Variants in HEMK2 observed in about 807,000 individuals in gnomAD.
HEMK2 encodes methyltransferase HEMK2.
chr21:28,702,892 A>C, the HEMK2 span, among the ~76,000 whole-genome samples: 1 of 152,210 alleles, frequency 6.6e-6, no homozygotes, highest in Non-Finnish European at 1.5e-5. Flanking sequence ...CCCAATACCA[A>C]AGATGTGGAA....
chr21:28,871,365 C>A, the HEMK2 span, among the ~76,000 whole-genome samples: 2 of 151,986 alleles, frequency 1.3e-5, no homozygotes, highest in Non-Finnish European at 2.9e-5. Context: ...AGGAAGAGAG[C>A]GAAGAGGGAG....
the HEMK2 span, among the ~76,000 whole-genome samples, chr21:28,855,187 A>G: frequency 6.8e-6 from 1 of 147,854 alleles, no homozygotes; most frequent in Non-Finnish European, 1.5e-5. Flanking sequence ...AGCAAACAGT[A>G]AAAAAAAAAG....
At chr21:28,716,220 T>G in the HEMK2 span, among the ~76,000 whole-genome samples, 1 of 152,214 alleles carries the variant, frequency 6.6e-6, no homozygotes, top group South Asian at 2.1e-4. Flanking sequence ...TACATTACTT[T>G]GGCCAGTATG....
chr21:28,773,847 T>C, the HEMK2 span, among the ~76,000 whole-genome samples: 1 of 152,150 alleles, frequency 6.6e-6, no homozygotes, highest in Admixed American at 6.5e-5. Flanking sequence ...TGATGTCCTG[T>C]AGCAGGAAAA....
the HEMK2 span, among the ~76,000 whole-genome samples, chr21:28,677,352 G>A: frequency 6.6e-6 from 1 of 152,204 alleles, no homozygotes; most frequent in African/African-American, 2.4e-5. Context: ...GCTGGGGGAC[G>A]GGTGTCCACC....
the HEMK2 span, among the ~76,000 whole-genome samples, chr21:28,601,012 T>C: frequency 6.6e-6 from 1 of 152,240 alleles, no homozygotes; most frequent in African/African-American, 2.4e-5. Context: ...GAGTTATCCT[T>C]TACTCAGGTT....
chr21:28,832,573 A>T, the HEMK2 span, among the ~76,000 whole-genome samples: 1 of 152,234 alleles, frequency 6.6e-6, no homozygotes. Context: ...ATATAAATTG[A>T]GAAGATTGTT....
chr21:28,837,637 T>C, the HEMK2 span, among the ~76,000 whole-genome samples: 1 of 151,120 alleles, frequency 6.6e-6, no homozygotes, highest in Non-Finnish European at 1.5e-5. Context: ...CTAAAGAAAC[T>C]AGAGAAACAG....
the HEMK2 span, among the ~76,000 whole-genome samples, chr21:28,589,067 A>G: frequency 6.6e-6 from 1 of 152,116 alleles, no homozygotes; most frequent in South Asian, 2.1e-4. Context: ...GTCTGAAAAG[A>G]TTACATACTA....
At chr21:28,590,493 A>T in the HEMK2 span, among the ~76,000 whole-genome samples, 17 of 152,244 alleles carry the variant, frequency 1.1e-4, no homozygotes, top group African/African-American at 4.1e-4. Flanking sequence ...CACTGCAGTG[A>T]ACACATGCCA....
chr21:28,812,561 C>G, the HEMK2 span, among the ~76,000 whole-genome samples: 1 of 152,140 alleles, frequency 6.6e-6, no homozygotes, highest in Non-Finnish European at 1.5e-5. Context: ...TGAGGATTTT[C>G]ACATTGATGT....
At chr21:28,754,101 C>T in the HEMK2 span, among the ~76,000 whole-genome samples, 1 of 152,210 alleles carries the variant, frequency 6.6e-6, no homozygotes, top group Non-Finnish European at 1.5e-5. Context: ...AATGCAGCCC[C>T]ACTCCTATGT....
the HEMK2 span, among the ~76,000 whole-genome samples, chr21:28,630,175 ACTTT>A: frequency 0.087 from 13,198 of 152,208 alleles, 878 homozygotes; most frequent in East Asian, 0.33. Flanking sequence ...TTAATCATTA[ACTTT>A]CTTTTTTTTC....
chr21:28,873,373 G>A, the HEMK2 span: 1 of 152,214 alleles, frequency 6.6e-6, no homozygotes, highest in Non-Finnish European at 1.5e-5. Flanking sequence ...TGTAGTTATA[G>A]CAAAATATGG....
At chr21:28,766,304 G>T in the HEMK2 span, among the ~76,000 whole-genome samples, 1 of 147,688 alleles carries the variant, frequency 6.8e-6, no homozygotes, top group African/African-American at 2.6e-5. Context: ...AAAGTATAAT[G>T]ATTTTTTTTT....
chr21:28,684,771 C>A, the HEMK2 span, among the ~76,000 whole-genome samples: 2 of 152,214 alleles, frequency 1.3e-5, no homozygotes, highest in African/African-American at 4.8e-5. Flanking sequence ...GCTCCAAGCT[C>A]CTGGGTCGAA....
chr21:28,587,460 T>G, the HEMK2 span, among the ~76,000 whole-genome samples: 4 of 152,208 alleles, frequency 2.6e-5, no homozygotes, highest in African/African-American at 9.6e-5. Flanking sequence ...ACAGAAAGTA[T>G]GTGAAATTAC....
At chr21:28,793,928 C>T in the HEMK2 span, among the ~76,000 whole-genome samples, 1 of 152,154 alleles carries the variant, frequency 6.6e-6, no homozygotes. Context: ...CCACTCGAGC[C>T]TTCGGAGAGA....
chr21:28,672,959 G>A, the HEMK2 span, among the ~76,000 whole-genome samples: 3 of 147,256 alleles, frequency 2.0e-5, no homozygotes, highest in Non-Finnish European at 4.5e-5. Flanking sequence ...CAGAGAGAGA[G>A]AGAAAGAAAA....
Sources: allele counts gnomAD v4.1 joint callset (sites outside exome capture counted in the v4.1 genomes callset), GRCh38; gene constraint gnomAD v4.1.1; transcripts MANE v1.5; gene names NCBI Gene and HGNC (gene_info 2026-07-23, HGNC 2026-07-21).